Variants in SEZ6L observed in about 807,000 individuals in gnomAD.
The protein encoded by SEZ6L is seizure 6-like protein.
SEZ6L carries 37 observed loss-of-function variants against 106.2 expected under a neutral mutation model. The observed-to-expected ratio is 0.35, with a 90% CI of 0.27 to 0.46. The LOEUF (loss-of-function observed/expected upper bound fraction) is 0.46. Among genes scored for constraint, SEZ6L ranks in the 20% least tolerant of loss-of-function variants. SEZ6L has a pLI of 1.00. For synonymous variants in SEZ6L, 541 were observed against 570.4 expected (o/e 0.95, Z 0.73); for missense variants, 1,172 against 1,332.8 (o/e 0.88, Z 1.88).
At chr22:26,369,756 G>A (rs1240989116) in intron 13 of SEZ6L, among the ~76,000 whole-genome samples, 1 of 151,954 alleles carries the variant, frequency 6.6e-6, no homozygotes, top group Non-Finnish European at 1.5e-5. Flanking sequence ...TTTTGACTAA[G>A]TCCAGCCCAG....
chr22:26,172,434 G>T (rs1348824600), intron 1 of SEZ6L, among the ~76,000 whole-genome samples: 1 of 152,164 alleles, frequency 6.6e-6, no homozygotes, highest in Non-Finnish European at 1.5e-5. Flanking sequence ...CAGGGCAAAA[G>T]GATATTTTCT....
chr22:26,324,097 CACACAA>C lies in SEZ6L; in HGVS notation c.2015+10201_2015+10206del, dbSNP rs879473738. ...ACACACACACACACACACACACACA[CACACAA>C]ACACACACACACACACAAACGGTAG... On this transcript the variant is annotated intron_variant, in intron 9 of 16. Coordinates refer to ENST00000248933, the MANE Select transcript of SEZ6L (RefSeq NM_021115.5). Among the ~76,000 whole-genome samples the C allele has an allele frequency of 2.9e-3, 434 of 148,506 alleles. 3 individuals are homozygous for C. Among genetic ancestry groups the C allele is most frequent in the Non-Finnish European group, 4.6e-3 (306 of 66,604 alleles).
At chr22:26,352,976 C>T (rs1231262403) in intron 12 of SEZ6L, among the ~76,000 whole-genome samples, 3 of 152,216 alleles carry the variant, frequency 2.0e-5, no homozygotes, top group Non-Finnish European at 4.4e-5. Context: ...AGGCCCAAAG[C>T]GCTTGCTTCA....
chr22:26,272,697 G>A (rs2145841693), intron 1 of SEZ6L, among the ~76,000 whole-genome samples: 1 of 152,302 alleles, frequency 6.6e-6, no homozygotes, highest in South Asian at 2.1e-4. Context: ...TTTGTTGAAT[G>A]ACTATATGAG....
intron 1 of SEZ6L, among the ~76,000 whole-genome samples, chr22:26,177,525 A>G (rs922183343): frequency 1.3e-5 from 2 of 152,202 alleles, no homozygotes; most frequent in South Asian, 2.1e-4. Context: ...TTATTGTTGA[A>G]TCTGCCTTCT....
intron 1 of SEZ6L, among the ~76,000 whole-genome samples, chr22:26,219,756 C>G (rs2078407922): frequency 6.6e-6 from 1 of 152,164 alleles, no homozygotes; most frequent in Non-Finnish European, 1.5e-5. Flanking sequence ...ATAAAAAGAA[C>G]AGTGTCACAG....
intron 1 of SEZ6L, among the ~76,000 whole-genome samples, chr22:26,187,922 T>C (rs775312298): frequency 1.6e-4 from 25 of 152,210 alleles, no homozygotes; most frequent in Non-Finnish European, 2.5e-4. Context: ...TGAACCAATT[T>C]GGAAGCCCTG....
chr22:26,351,548 G>GGTTGGTTTGTTT (rs1556375177), intron 12 of SEZ6L: 6 of 224,472 alleles, frequency 2.7e-5, no homozygotes, highest in East Asian at 1.1e-4. Context: ...TTTGTTTGTT[G>GGTTGGTTTGTTT]GTTGGTTGGT....
intron 10 of SEZ6L, among the ~76,000 whole-genome samples, chr22:26,345,970 A>T (rs939207521): frequency 6.6e-6 from 1 of 152,154 alleles, no homozygotes; most frequent in African/African-American, 2.4e-5. Flanking sequence ...AATGATATGC[A>T]ATTGGATTTG....
intron 1 of SEZ6L, among the ~76,000 whole-genome samples, chr22:26,291,655 AC>A (rs1361939513): frequency 2.0e-5 from 3 of 152,188 alleles, no homozygotes; most frequent in African/African-American, 7.2e-5. Flanking sequence ...CAGCCAGAGC[AC>A]ACAGCTTAGA....
intron 9 of SEZ6L, among the ~76,000 whole-genome samples, chr22:26,323,352 G>C (rs2082210962): frequency 6.6e-6 from 1 of 152,240 alleles, no homozygotes; most frequent in Non-Finnish European, 1.5e-5. Flanking sequence ...AGACGGTAAG[G>C]CTGGGCACAG....
chr22:26,363,523 C>T (rs879648903), intron 12 of SEZ6L, among the ~76,000 whole-genome samples: 6 of 152,160 alleles, frequency 3.9e-5, no homozygotes, highest in Admixed American at 6.5e-5. Flanking sequence ...GAAAGAAGTG[C>T]CAGAAAAGAT....
intron 1 of SEZ6L, among the ~76,000 whole-genome samples, chr22:26,174,525 G>A (rs919957107): frequency 4.6e-5 from 7 of 152,200 alleles, no homozygotes; most frequent in African/African-American, 1.2e-4. Context: ...CGCGGTGTTC[G>A]CTGTTGTCCA....
rs772690714 is a variant in SEZ6L, at chr22:26,293,038, A to T, written c.727A>T (p.Met243Leu). ...PQEDTSPMAL[M>L]DKGENELTGS... Reference sequence around the variant, plus strand: ...GGAGGACACCAGCCCCATGGCCCTGATGGACAAAGGTGAGAATGAGCTGAC... The same window carrying T: ...GGAGGACACCAGCCCCATGGCCCTGTTGGACAAAGGTGAGAATGAGCTGAC... Residue 243 changes from methionine (M) to leucine (L), a missense_variant, in exon 2 of 17, where the codon ATG becomes TTG. Physicochemically the swap from Met to Leu is conservative, Grantham distance 15. This residue lies in a region of SEZ6L where 494 missense variants were observed against 445.8 expected (regional missense o/e 1.11). Coordinates refer to ENST00000248933, the MANE Select transcript of SEZ6L (RefSeq NM_021115.5). The T allele has an allele frequency of 1.2e-6, 2 of 1,613,994 alleles. No homozygotes were observed. Among genetic ancestry groups the T allele is most frequent in the East Asian group, 4.5e-5 (2 of 44,884 alleles).
rs182863070 is a variant in SEZ6L, at chr22:26,333,928, G to A, written c.2016-6508G>A. 1.6e-3 allele frequency among the ~76,000 whole-genome samples: 238 copies of A among 152,234 alleles called. 1 individual carries two copies. The highest frequency in any genetic ancestry group is 3.1e-3 in the South Asian group (15 of 4,828). ...AGTCCCAGAGGTCACCAAGAGCATC[G>A]TGCTTTGGAAAGACTGATGAGCAAT... On this transcript the variant is annotated intron_variant, in intron 9 of 16. Coordinates refer to ENST00000248933, the MANE Select transcript of SEZ6L (RefSeq NM_021115.5).
At chr22:26,254,298 A>T (rs2079728306) in intron 1 of SEZ6L, among the ~76,000 whole-genome samples, 1 of 152,116 alleles carries the variant, frequency 6.6e-6, no homozygotes, top group South Asian at 2.1e-4. Flanking sequence ...AAAGTTGTAT[A>T]CACAAAGATG....
At chr22:26,262,234 T>C (rs2080033094) in intron 1 of SEZ6L, among the ~76,000 whole-genome samples, 1 of 95,560 alleles carries the variant, frequency 1.0e-5, no homozygotes, top group South Asian at 3.4e-4. Context: ...CTTTTATATA[T>C]TGATATATTT....
At chr22:26,266,632 G>C (rs1374367986) in intron 1 of SEZ6L, among the ~76,000 whole-genome samples, 3 of 151,480 alleles carry the variant, frequency 2.0e-5, no homozygotes, top group Admixed American at 6.6e-5. Flanking sequence ...AACATATTAG[G>C]AGCAAGAATA....
intron 1 of SEZ6L, among the ~76,000 whole-genome samples, chr22:26,187,851 C>A (rs1939890387): frequency 6.6e-6 from 1 of 152,092 alleles, no homozygotes; most frequent in Non-Finnish European, 1.5e-5. Flanking sequence ...GTGCTTGGGG[C>A]AGAAATTAGA....
Sources: gnomAD v4.1 joint callset for allele counts (sites outside exome capture counted in the v4.1 genomes callset) on GRCh38, gnomAD v4.1.1 for gene constraint, gnomAD v4.1.1 regional missense constraint, MANE v1.5 for transcripts, NCBI Gene and HGNC (gene_info 2026-07-23, HGNC 2026-07-21) for gene names.